DSCAM: variants seen among roughly 807,000 people sequenced by gnomAD.
DSCAM encodes the protein DS cell adhesion molecule, also known as cell adhesion molecule DSCAM.
DSCAM carries 47 observed loss-of-function variants against 217.7 expected under a neutral mutation model. The ratio of observed to expected loss-of-function variants is 0.22; its 90% CI spans 0.17 to 0.28. The LOEUF (loss-of-function observed/expected upper bound fraction) is 0.28, where lower values mean the gene tolerates loss of function less well. DSCAM is among the 10% of genes least tolerant of loss of function. The pLI is 1.00. For synonymous variants in DSCAM, 1,056 were observed against 1,015.3 expected, an observed-to-expected ratio of 1.04 and a Z score of -0.76; for missense variants, 2,080 against 2,618.3, an observed-to-expected ratio of 0.79 and a Z score of 4.49.
intron 8 of DSCAM, among the ~76,000 whole-genome samples, chr21:40,321,953 C>T (rs1248007085): frequency 6.6e-6 from 1 of 152,202 alleles, no homozygotes; most frequent in Non-Finnish European, 1.5e-5. Flanking sequence ...GAAACCGTTT[C>T]AGGCGCTAGA....
intron 8 of DSCAM, among the ~76,000 whole-genome samples, chr21:40,313,370 C>T (rs2074161618): frequency 6.6e-6 from 1 of 152,148 alleles, no homozygotes; most frequent in Non-Finnish European, 1.5e-5. Flanking sequence ...CCTGGCCTGC[C>T]ATGGACACTG....
At chr21:40,154,191 T>TCCTTCCTTCCTC (rs2090453312) in intron 16 of DSCAM, among the ~76,000 whole-genome samples, 1 of 151,452 alleles carries the variant, frequency 6.6e-6, no homozygotes, top group Admixed American at 6.6e-5. Flanking sequence ...CTTCCTTCCT[T>TCCTTCCTTCCTC]CCTTCCTTCC....
chr21:40,804,864 G>C (rs180899785), intron 1 of DSCAM, among the ~76,000 whole-genome samples: 1 of 152,018 alleles, frequency 6.6e-6, no homozygotes, highest in Non-Finnish European at 1.5e-5. Context: ...TTAACTTCCC[G>C]CTGCTACATT....
intron 3 of DSCAM, among the ~76,000 whole-genome samples, chr21:40,581,922 G>C (rs530248008): frequency 6.6e-6 from 1 of 152,110 alleles, no homozygotes; most frequent in Admixed American, 6.5e-5. Flanking sequence ...AAGTCAAATT[G>C]TATCCTCTAA....
At chr21:40,695,277 A>T (rs1041293794) in intron 2 of DSCAM, among the ~76,000 whole-genome samples, 6 of 151,956 alleles carry the variant, frequency 3.9e-5, no homozygotes, top group African/African-American at 1.5e-4. Flanking sequence ...CCTACACTAG[A>T]TGGGATCACA....
chr21:40,074,931 G>T, intron 27 of DSCAM, 106 bp downstream of exon 27: 1 of 1,234,716 alleles, frequency 8.1e-7, no homozygotes, highest in Non-Finnish European at 1.1e-6. Context: ...GGGTTAAAGA[G>T]GGAAGAGTCA....
intron 1 of DSCAM, among the ~76,000 whole-genome samples, chr21:40,793,900 C>A (rs141843756): frequency 2.0e-5 from 3 of 152,142 alleles, no homozygotes; most frequent in Non-Finnish European, 4.4e-5. Flanking sequence ...ACCTACTCTA[C>A]GGTTTTAATA....
chr21:40,287,466 G>A (rs370541586), intron 10 of DSCAM, among the ~76,000 whole-genome samples: 1 of 152,168 alleles, frequency 6.6e-6, no homozygotes, highest in East Asian at 1.9e-4. Flanking sequence ...GGGAAGTTGT[G>A]GGCAGGATCA....
At chr21:40,803,546 C>T (rs548935688) in intron 1 of DSCAM, among the ~76,000 whole-genome samples, 2 of 152,158 alleles carry the variant, frequency 1.3e-5, no homozygotes, top group East Asian at 1.9e-4. Context: ...GATCTCGGGC[C>T]CCCAGACTCC....
intron 8 of DSCAM, among the ~76,000 whole-genome samples, chr21:40,334,918 C>T (rs926762959): frequency 3.9e-5 from 6 of 151,994 alleles, no homozygotes; most frequent in Non-Finnish European, 5.9e-5. Context: ...TCCTGAAAAC[C>T]GAAGTCCTGA....
intron 23 of DSCAM, 121 bp downstream of exon 23, chr21:40,085,481 A>C: frequency 3.4e-6 from 3 of 882,540 alleles, no homozygotes; most frequent in Non-Finnish European, 4.7e-6. Flanking sequence ...CTTTTTCTGT[A>C]ATATGGAAAC....
At chr21:40,456,088 T>A (rs961664674) in intron 3 of DSCAM, among the ~76,000 whole-genome samples, 1 of 151,654 alleles carries the variant, frequency 6.6e-6, no homozygotes. Flanking sequence ...TAAAGTATAA[T>A]AATAATAAAA....
At chr21:40,481,672 TTTC>T (rs1361026489) in intron 3 of DSCAM, among the ~76,000 whole-genome samples, 1 of 152,028 alleles carries the variant, frequency 6.6e-6, no homozygotes, top group Non-Finnish European at 1.5e-5. Flanking sequence ...AAAGTGTGAT[TTTC>T]TTCTTCTGAT....
intron 2 of DSCAM, among the ~76,000 whole-genome samples, chr21:40,705,788 A>C (rs2090708731): frequency 6.6e-6 from 1 of 152,208 alleles, no homozygotes; most frequent in Non-Finnish European, 1.5e-5. Context: ...GTTAAACCCT[A>C]TCAGCCTCAG....
intron 2 of DSCAM, among the ~76,000 whole-genome samples, chr21:40,696,119 C>T (rs1427587373): frequency 6.6e-6 from 1 of 152,060 alleles, no homozygotes; most frequent in Admixed American, 6.5e-5. Flanking sequence ...ATTTGATTGA[C>T]ATTTGCATTA....
In DSCAM at chr21:40,093,796, C is replaced by T. The variant is rs549482375; in HGVS notation, c.3775G>A (p.Val1259Ile). Residue 1259 changes from valine (V) to isoleucine (I), a missense_variant, in exon 21 of 33, where the codon GTC (valine) becomes ATC (isoleucine). Around this residue, in one of 5 missense-constraint regions of DSCAM, gnomAD observed 1,144 missense variants for 1,421.1 expected, o/e 0.81. Coordinates refer to ENST00000400454, the MANE Select transcript of DSCAM (RefSeq NM_001389.5). ...GCTGAAGTAACAGCCACCACCCAGA[C>T]GCTGTACTGACGATTCCTACTCAGG... is the stretch of plus-strand genomic sequence containing the variant. Reference protein sequence around the residue: ...PNLSRNRQYSVWVVAVTSAGR... With the variant: ...PNLSRNRQYSIWVVAVTSAGR... 231 of 1,614,014 alleles carry T rather than the reference C, an allele frequency of 1.4e-4. No individual in the cohort carries two copies. In the East Asian group the frequency reaches 3.9e-3, roughly 28 times the overall value.
chr21:40,702,958 A>G (rs532862220), intron 2 of DSCAM, among the ~76,000 whole-genome samples: 102 of 152,278 alleles, frequency 6.7e-4, no homozygotes, highest in Non-Finnish European at 1.3e-3. Context: ...ACTTCTGCCT[A>G]TGTTACAAAC....
intron 10 of DSCAM, among the ~76,000 whole-genome samples, chr21:40,283,893 G>A (rs765445216): frequency 4.6e-5 from 7 of 152,130 alleles, no homozygotes; most frequent in East Asian, 1.9e-4. Context: ...CTGAAGAGTC[G>A]CAGGACCATG....
intron 25 of DSCAM, among the ~76,000 whole-genome samples, chr21:40,079,375 C>G (rs1256193617): frequency 2.6e-5 from 4 of 152,150 alleles, no homozygotes; most frequent in Admixed American, 2.0e-4. Context: ...AGATTTTCCT[C>G]CACAACTAAA....
Sources: gnomAD v4.1 joint callset for allele counts (sites outside exome capture counted in the v4.1 genomes callset) on GRCh38, gnomAD v4.1.1 for gene constraint, gnomAD v4.1.1 regional missense constraint, MANE v1.5 for transcripts, NCBI Gene and HGNC (gene_info 2026-07-23, HGNC 2026-07-21) for gene names.